Variants in ATP13A4 observed in about 807,000 individuals in gnomAD.
ATP13A4 encodes the protein ATPase 13A4, also known as probable cation-transporting ATPase 13A4.
In ATP13A4, 114 loss-of-function variants were observed where a neutral mutation model predicts 142.5. The observed-to-expected ratio is 0.80, with a 90% CI of 0.69 to 0.93. The LOEUF (loss-of-function observed/expected upper bound fraction) is 0.93. ATP13A4 is among the 40% of genes least tolerant of loss of function. The pLI is 0.00. For missense variants in ATP13A4, 1,392 were observed against 1,454.0 expected (o/e 0.96, Z 0.69); for synonymous variants, 488 against 514.8 (o/e 0.95, Z 0.70).
Position 193,469,097 on chromosome 3 carries a change from C to T in ATP13A4, c.944-1611G>A, listed in dbSNP as rs142054097. 5.5e-3 allele frequency among the ~76,000 whole-genome samples: 835 copies of T among 152,212 alleles called. 11 individuals are homozygous for T. The highest frequency in any genetic ancestry group is 0.02 in the Middle Eastern group (6 of 294). ...AAAGTCACAGAAGCAGACAAGATTA[C>T]TTAGAGACCAAGTATAGAGTGAGAA... On this transcript the variant is annotated intron_variant, in intron 9 of 29. Coordinates refer to ENST00000342695, the MANE Select transcript of ATP13A4 (RefSeq NM_032279.4).
intron 3 of ATP13A4, among the ~76,000 whole-genome samples, chr3:193,497,804 TAAAC>T (rs1387900174): frequency 6.6e-6 from 1 of 152,016 alleles, no homozygotes; most frequent in Non-Finnish European, 1.5e-5. Flanking sequence ...TGAAATGAAA[TAAAC>T]AAGACACAAT....
chr3:193,498,073 A>G (rs978160129), intron 3 of ATP13A4, among the ~76,000 whole-genome samples: 5 of 152,136 alleles, frequency 3.3e-5, no homozygotes, highest in African/African-American at 1.2e-4. Flanking sequence ...AGGATTTTGA[A>G]TATTATCACT....
In ATP13A4 at chr3:193,465,084, T is replaced by A; in HGVS notation, c.1317A>T (p.Thr439=). ...EVVRKALDVI[T]IAVPPALPAA... ...CAGGTAGAGCCGGAGGAACCGCAATTGTGATGACGTCAAGGGCTTTCCTCA... is the reference window on the plus strand; with the variant it reads ...CAGGTAGAGCCGGAGGAACCGCAATAGTGATGACGTCAAGGGCTTTCCTCA... Residue 439 remains threonine, a synonymous_variant, in exon 12 of 30, where the codon ACA becomes ACT. Transcript: ENST00000342695. 1 of 1,614,086 alleles carries A rather than the reference T, an allele frequency of 6.2e-7. No individual in the cohort carries two copies.
intron 23 of ATP13A4, among the ~76,000 whole-genome samples, chr3:193,437,444 G>C (rs537839828): frequency 9.0e-4 from 137 of 152,208 alleles, no homozygotes; most frequent in African/African-American, 3.1e-3. Context: ...AAATTGGGAG[G>C]ACCTAGCCAA....
At chr3:193,569,570 G>A (rs1331750304) in intron 2 of ATP13A4, among the ~76,000 whole-genome samples, 5 of 151,856 alleles carry the variant, frequency 3.3e-5, no homozygotes, top group Non-Finnish European at 7.4e-5. Flanking sequence ...TTGAGAGAGG[G>A]TCTCGCTCTG....
chr3:193,511,136 C>T (rs922851022), intron 2 of ATP13A4, among the ~76,000 whole-genome samples: 3 of 152,066 alleles, frequency 2.0e-5, no homozygotes, highest in Non-Finnish European at 2.9e-5. Context: ...AAATGACACA[C>T]AAGAGCAGGC....
rs962669957 is a variant in ATP13A4 at position 193,566,391 on chromosome 3, C to T, written n.291+15316G>A. Reference sequence around the variant, plus strand: ...TTCATATGTCCAAGCAGCAGCTGGCCTGCCTCCTTACTCAGTGTACCAGTG... The same window carrying T: ...TTCATATGTCCAAGCAGCAGCTGGCTTGCCTCCTTACTCAGTGTACCAGTG... On this transcript the variant is annotated intron_variant and non_coding_transcript_variant, in intron 2 of 3. Coordinates refer to the ATP13A4 transcript ENST00000489140. Among the ~76,000 whole-genome samples the T allele has an allele frequency of 2.0e-5, 3 of 152,138 alleles. No homozygotes were observed. In the East Asian group the frequency reaches 5.8e-4, roughly 29 times the overall value.
chr3:193,511,004 T>G lies in ATP13A4; in HGVS notation c.234+3694A>C, dbSNP rs184825727. ...TTTTAAACTATTGGTGCCCAAAGCTTATTTTTATCTAACTCTCAGATAGTA... is the reference window on the plus strand; with the variant it reads ...TTTTAAACTATTGGTGCCCAAAGCTGATTTTTATCTAACTCTCAGATAGTA... On this transcript the variant is annotated intron_variant, in intron 2 of 29. Coordinates refer to ENST00000342695, the MANE Select transcript of ATP13A4 (RefSeq NM_032279.4). 2.8e-4 allele frequency among the ~76,000 whole-genome samples: 43 copies of G among 152,368 alleles called. 1 individual carries two copies. Among genetic ancestry groups the G allele is most frequent in the Non-Finnish European group, 3.1e-4 (21 of 68,034 alleles).
intron 25 of ATP13A4, among the ~76,000 whole-genome samples, chr3:193,416,753 G>T (rs550546390): frequency 6.6e-6 from 1 of 152,204 alleles, no homozygotes; most frequent in East Asian, 1.9e-4. Context: ...AGACCAACAT[G>T]TACGTTGTGG....
chr3:193,561,030 G>C (rs182409320), intron 2 of ATP13A4, among the ~76,000 whole-genome samples: 2 of 152,342 alleles, frequency 1.3e-5, no homozygotes, highest in East Asian at 3.9e-4. Context: ...CCAATTCCGA[G>C]TGGGAGCCTG....
rs933368568 is a variant in ATP13A4 at position 193,445,889 on chromosome 3, C to T, written c.2152+2317G>A. Among the ~76,000 whole-genome samples the T allele has an allele frequency of 3.3e-5, 5 of 151,994 alleles. No individual in the cohort carries two copies. The East Asian group carries it at 9.6e-4, about 29-fold the overall frequency. ...TCCCACCCCACACACAATTTAACAA[C>T]TGAACGATTCAAAAGGGGATTTGAA... On this transcript the variant is annotated intron_variant, in intron 18 of 29. Coordinates refer to ENST00000342695, the MANE Select transcript of ATP13A4 (RefSeq NM_032279.4).
At chr3:193,525,250 A>G (rs1017688638) in intron 1 of ATP13A4, among the ~76,000 whole-genome samples, 1 of 152,218 alleles carries the variant, frequency 6.6e-6, no homozygotes. Context: ...AATGTTTAGC[A>G]AACATCTAGT....
At chr3:193,467,121 A>G (rs1019017445) in intron 10 of ATP13A4, among the ~76,000 whole-genome samples, 195 bp downstream of exon 10, 2 of 152,164 alleles carry the variant, frequency 1.3e-5, no homozygotes, top group Non-Finnish European at 2.9e-5. Context: ...CTTATTTCAC[A>G]TGGCAGGCCT....
intron 20 of ATP13A4, 21 bp downstream of exon 20, chr3:193,441,445 T>C: frequency 6.2e-7 from 1 of 1,613,450 alleles, no homozygotes; most frequent in Non-Finnish European, 8.5e-7. Context: ...ATAGGGAGAT[T>C]GTCACCCTCT....
rs1415454626 is a variant in ATP13A4, at chr3:193,445,492, CATGCCTATA to C, written c.2152+2705_2152+2713del. ...AAAGCACTGGCTGGGCGTGGGGACT[CATGCCTATA>C]ATCCCAGCACTTTGGGAGGCCAAGG... On this transcript the variant is annotated intron_variant, in intron 18 of 29. Transcript: ENST00000342695. Among the ~76,000 whole-genome samples the C allele has an allele frequency of 9.2e-5, 14 of 152,018 alleles. No individual in the cohort carries two copies. In the East Asian group the frequency reaches 2.3e-3, roughly 25 times the overall value.
intron 17 of ATP13A4, 77 bp downstream of exon 17, chr3:193,454,024 T>A: frequency 1.6e-6 from 2 of 1,258,172 alleles, no homozygotes; most frequent in Non-Finnish European, 2.3e-6. Flanking sequence ...TCCATCCCAG[T>A]CTAATGCACT....
In ATP13A4 at chr3:193,512,241, T is replaced by A. The variant is rs576495331; in HGVS notation, c.234+2457A>T. Reference sequence around the variant, plus strand: ...TGCCAGAAAATAATAATCTGATAGATTCTTAAGTTCGCGTGGAGGGGTTGA... The same window carrying A: ...TGCCAGAAAATAATAATCTGATAGAATCTTAAGTTCGCGTGGAGGGGTTGA... On this transcript the variant is annotated intron_variant, in intron 2 of 29. Coordinates refer to ENST00000342695, the MANE Select transcript of ATP13A4 (RefSeq NM_032279.4). Among the ~76,000 whole-genome samples the A allele has an allele frequency of 2.0e-5, 3 of 152,256 alleles. No individual in the cohort carries two copies. In the South Asian group the frequency reaches 6.2e-4, roughly 32 times the overall value.
chr3:193,410,366 A>G (rs1171637043), intron 28 of ATP13A4, among the ~76,000 whole-genome samples: 1 of 152,222 alleles, frequency 6.6e-6, no homozygotes, highest in African/African-American at 2.4e-5. Context: ...AAATTCTCTC[A>G]TATTTGAAAG....
chr3:193,550,425 G>A (rs1723487149), intron 1 of ATP13A4, among the ~76,000 whole-genome samples: 1 of 151,318 alleles, frequency 6.6e-6, no homozygotes. Context: ...TCCCACCTGA[G>A]CCTCTCAAGT....
Sources: gnomAD v4.1 joint callset for allele counts (sites outside exome capture counted in the v4.1 genomes callset) on GRCh38, gnomAD v4.1.1 for gene constraint, MANE v1.5 for transcripts, NCBI Gene and HGNC (gene_info 2026-07-23, HGNC 2026-07-21) for gene names.